Variants in STARD9 observed in about 807,000 individuals in gnomAD.
The protein encoded by STARD9 is StAR related lipid transfer domain containing 9.
STARD9 carries 346 observed loss-of-function variants against 399.8 expected under a neutral mutation model. The ratio of observed to expected loss-of-function variants is 0.87; its 90% CI spans 0.79 to 0.95. STARD9 has a LOEUF of 0.95. STARD9 is among the 40% of genes least tolerant of loss of function. STARD9 has a pLI of 0.00. For synonymous variants in STARD9, 2,203 were observed against 2,143.5 expected (o/e 1.03, Z -0.77); for missense variants, 5,832 against 5,667.5 (o/e 1.03, Z -0.93).
chr15:42,597,078 C>T (rs1357538777), intron 3 of STARD9, among the ~76,000 whole-genome samples: 4 of 152,072 alleles, frequency 2.6e-5, no homozygotes, highest in East Asian at 1.9e-4. Flanking sequence ...ATTCTGTTTA[C>T]GATTGTGTGT....
In STARD9 at chr15:42,583,353, A is replaced by G. The variant is rs1354951555; in HGVS notation, c.55A>G (p.Lys19Glu). The G allele has an allele frequency of 1.3e-6, 2 of 1,536,752 alleles. No homozygotes were observed. The highest frequency in any genetic ancestry group is 2.0e-5 in the Admixed American group (1 of 50,972). Reference sequence around the variant, plus strand: ...CTTGGGTCTTGTTTCTAGGGAGACCAAAGAAGGGGGAAGAATTATTGTGGA... The same window carrying G: ...CTTGGGTCTTGTTTCTAGGGAGACCGAAGAAGGGGGAAGAATTATTGTGGA... The part of the protein sequence containing the change: ...RVRPLSKRET[K>E]EGGRIIVEVD... Residue 19 changes from lysine (K) to glutamate (E), a missense_variant, in exon 2 of 33, where the codon AAA becomes GAA. Transcript: ENST00000290607.
At position 42,613,735 on chromosome 15, in the gene STARD9, C is replaced by T. The variant is rs537503264; in HGVS notation, c.235-21121C>T. The stretch of plus-strand genomic sequence containing the variant: ...ATCCCAGCACTTTGGGAGGTTGAGG[C>T]GGGTGGATCATCTGAGGTCAGGAGT... On this transcript the variant is annotated intron_variant, in intron 3 of 32. Transcript: ENST00000290607. Among the ~76,000 whole-genome samples the T allele has an allele frequency of 1.8e-4, 28 of 152,032 alleles. No homozygotes were observed. In the South Asian group the frequency reaches 5.2e-3, roughly 28 times the overall value.
chr15:42,674,199 C>T (rs2060262134), intron 16 of STARD9, among the ~76,000 whole-genome samples: 3 of 152,136 alleles, frequency 2.0e-5, no homozygotes, highest in Admixed American at 2.0e-4. Context: ...GCTTGGGCTG[C>T]TTTGTGGTAT....
intron 3 of STARD9, among the ~76,000 whole-genome samples, chr15:42,618,712 G>A (rs1051790068): frequency 1.3e-5 from 2 of 151,182 alleles, no homozygotes; most frequent in Non-Finnish European, 3.0e-5. Flanking sequence ...TTCTCCTGCC[G>A]CAGCCTCCCG....
intron 13 of STARD9, 28 bp downstream of exon 13, chr15:42,663,945 G>C (rs962558129): frequency 2.4e-5 from 34 of 1,402,490 alleles, no homozygotes; most frequent in Non-Finnish European, 3.2e-5. Flanking sequence ...GTCCTGGTCT[G>C]GTATAGTTTA....
At chr15:42,611,388 C>T (rs2058846293) in intron 3 of STARD9, among the ~76,000 whole-genome samples, 1 of 152,192 alleles carries the variant, frequency 6.6e-6, no homozygotes, top group Non-Finnish European at 1.5e-5. Context: ...GAAATGTTCC[C>T]AGAGGATTTG....
At chr15:42,662,758 T>A in intron 10 of STARD9, 36 bp from the exon 11 acceptor site, 1 of 1,374,142 alleles carries the variant, frequency 7.3e-7, no homozygotes, top group Non-Finnish European at 1.0e-6. Context: ...GTGTCTTATT[T>A]GCTTTTGTTT....
chr15:42,712,461 A>G (rs2061261846), intron 26 of STARD9, among the ~76,000 whole-genome samples: 1 of 151,856 alleles, frequency 6.6e-6, no homozygotes, highest in Non-Finnish European at 1.5e-5. Context: ...TCCACATTGC[A>G]TTCTTTGGCC....
intron 3 of STARD9, among the ~76,000 whole-genome samples, chr15:42,607,194 CTTT>C (rs763484090): frequency 1.7e-3 from 66 of 39,260 alleles, no homozygotes; most frequent in African/African-American, 5.2e-3. Flanking sequence ...TTTTCTGGTG[CTTT>C]TTTTTTTTTT....
Position 42,718,899 on chromosome 15 carries a change from T to C in STARD9, c.13990T>C (p.Tyr4664His). ...VEGKEVTRVI[Y>H]LAQVELGAPG... Reference sequence around the variant, plus strand: ...AGGGAAGGAAGTCACCAGAGTCATCTACTTGGCCCAGGTGATAAATCCTTT... The same window carrying C: ...AGGGAAGGAAGTCACCAGAGTCATCCACTTGGCCCAGGTGATAAATCCTTT... The change falls in exon 32 of 33, where the codon TAC (tyrosine) becomes CAC (histidine). Residue 4664 changes from tyrosine to histidine, a missense_variant. Tyr to His is a moderately conservative substitution (Grantham distance 83). This residue lies in a region of STARD9 where 5,828 missense variants were observed against 5,651.1 expected (regional missense o/e 1.03). Coordinates refer to ENST00000290607, the MANE Select transcript of STARD9 (RefSeq NM_020759.3). The C allele has an allele frequency of 1.3e-6, 2 of 1,537,234 alleles. No homozygotes were observed. Among genetic ancestry groups the C allele is most frequent in the Non-Finnish European group, 1.7e-6 (2 of 1,146,884 alleles).
intron 3 of STARD9, among the ~76,000 whole-genome samples, chr15:42,602,861 C>A (rs992347164): frequency 6.6e-6 from 1 of 152,168 alleles, no homozygotes; most frequent in African/African-American, 2.4e-5. Flanking sequence ...TTCATCCCAC[C>A]CCTTTTGTTA....
chr15:42,648,287 C>T (rs1030758110), intron 7 of STARD9, among the ~76,000 whole-genome samples: 3 of 152,078 alleles, frequency 2.0e-5, no homozygotes, highest in Admixed American at 1.3e-4. Context: ...CTCAGCTTCC[C>T]GAGTAGCTGG....
At chr15:42,648,802 T>C (rs1443745855) in intron 7 of STARD9, among the ~76,000 whole-genome samples, 4 of 152,142 alleles carry the variant, frequency 2.6e-5, no homozygotes, top group Non-Finnish European at 5.9e-5. Context: ...ATAATCCTTC[T>C]ATCCCATTCT....
At chr15:42,612,966 A>G (rs2141819555) in intron 3 of STARD9, among the ~76,000 whole-genome samples, 1 of 148,594 alleles carries the variant, frequency 6.7e-6, no homozygotes, top group East Asian at 2.0e-4. Flanking sequence ...CCTGGGCAAC[A>G]GAGCGAGACT....
At position 42,675,994 on chromosome 15, in the gene STARD9, T is replaced by C; in HGVS notation, c.1874+19T>C. 6.6e-7 allele frequency: 1 copy of C among 1,523,588 alleles called. No homozygotes were observed. Among genetic ancestry groups the C allele is most frequent in the Non-Finnish European group, 8.8e-7 (1 of 1,137,476 alleles). The allele number at this position is 1,523,588 out of a possible 1,614,324, so 94.4% of individuals were successfully genotyped here. A position where few individuals can be genotyped will look rare whatever the true frequency, so the allele number is the denominator to read the frequency against. On this transcript the variant is annotated intron_variant, in intron 20 of 32. Transcript: ENST00000290607. The stretch of plus-strand genomic sequence containing the variant: ...AGGAAAGGTAAGAAATAGCTGCTTA[T>C]ACTGATGTGGAACCTACTGGGTTCG...
chr15:42,717,189 A>T, intron 28 of STARD9, 141 bp downstream of exon 28: 2 of 973,238 alleles, frequency 2.1e-6, no homozygotes, highest in Non-Finnish European at 3.0e-6. Flanking sequence ...TCATCTTGAG[A>T]AAAGGGGAAT....
At chr15:42,635,765 G>A (rs550129077) in intron 4 of STARD9, among the ~76,000 whole-genome samples, 2 of 152,278 alleles carry the variant, frequency 1.3e-5, no homozygotes, top group South Asian at 2.1e-4. Context: ...CTTTGTTGTG[G>A]ACAAGACCTG....
intron 3 of STARD9, among the ~76,000 whole-genome samples, chr15:42,618,571 GA>G (rs1250919893): frequency 2.0e-5 from 3 of 151,468 alleles, no homozygotes; most frequent in South Asian, 2.1e-4. Flanking sequence ...AAAAATACTT[GA>G]AAAAAAAGTT....
At chr15:42,718,946 GC>G (rs2061401424) in intron 32 of STARD9, 36 bp downstream of exon 32, 1 of 1,529,194 alleles carries the variant, frequency 6.5e-7, no homozygotes, top group Non-Finnish European at 8.8e-7. Flanking sequence ...CACAGCACAG[GC>G]TGACTTGGTC....
Sources: gnomAD v4.1 joint callset for allele counts (sites outside exome capture counted in the v4.1 genomes callset) on GRCh38, gnomAD v4.1.1 for gene constraint, gnomAD v4.1.1 regional missense constraint, MANE v1.5 for transcripts, NCBI Gene and HGNC (gene_info 2026-07-23, HGNC 2026-07-21) for gene names.